Variants in CYP2C19 observed in about 807,000 individuals in gnomAD.
CYP2C19 encodes cytochrome P450 family 2 subfamily C member 19.
A neutral mutation model predicts 40.9 loss-of-function variants in CYP2C19; 59 were observed. The ratio of observed to expected loss-of-function variants is 1.44; its 90% CI spans 1.17 to 1.79. The LOEUF (loss-of-function observed/expected upper bound fraction) is 1.79. Ranked by LOEUF, CYP2C19 falls within the 40% of genes most tolerant of loss-of-function variation. The probability of loss-of-function intolerance (pLI) is 0.00; values close to 1 mark genes in which losing one functional copy is unlikely to be tolerated. For missense variants in CYP2C19, 754 were observed against 596.9 expected (o/e 1.26, Z -2.74); for synonymous variants, 253 against 208.7 (o/e 1.21, Z -1.83).
intron 5 of CYP2C19, among the ~76,000 whole-genome samples, chr10:94,797,012 G>C (rs1219415366): frequency 6.6e-6 from 1 of 152,068 alleles, no homozygotes; most frequent in Admixed American, 6.5e-5. Context: ...GCCCCGGCGA[G>C]AACTTCCAAC....
intron 6 of CYP2C19, among the ~76,000 whole-genome samples, chr10:94,823,151 C>G (rs1329732250): frequency 1.3e-5 from 2 of 152,024 alleles, no homozygotes; most frequent in African/African-American, 2.4e-5. Flanking sequence ...AATCAGTGTC[C>G]CTTAAGTCCC....
intron 6 of CYP2C19, among the ~76,000 whole-genome samples, chr10:94,825,991 G>A (rs1476737680): frequency 6.7e-6 from 1 of 149,772 alleles, no homozygotes; most frequent in Non-Finnish European, 1.5e-5. Flanking sequence ...TATTTCTGAG[G>A]GCTCTGTTCT....
intron 3 of CYP2C19, among the ~76,000 whole-genome samples, chr10:94,779,498 T>TA (rs1378426400): frequency 4.0e-5 from 6 of 151,872 alleles, no homozygotes; most frequent in African/African-American, 1.4e-4. Flanking sequence ...AATTCATTTT[T>TA]AAAAAACTAA....
intron 6 of CYP2C19, among the ~76,000 whole-genome samples, chr10:94,842,495 GTTA>G (rs2134286388): frequency 6.7e-6 from 1 of 148,346 alleles, no homozygotes; most frequent in East Asian, 2.0e-4. Context: ...TACATTCAGT[GTTA>G]TTATTAAGTA....
rs138318879 is a variant in CYP2C19, at chr10:94,770,377, G to A, written c.169-4681G>A. ...TCCTTGTAAACCACACTGATAACAA[G>A]CCCTACTGGGTGATTGGCCTGCTAT... On this transcript the variant is annotated intron_variant, in intron 1 of 8. Transcript: ENST00000371321. Among the ~76,000 whole-genome samples, 389 of 152,230 alleles carry A rather than the reference G, an allele frequency of 2.6e-3. 12 individuals carry two copies. The East Asian group carries it at 0.061, about 24-fold the overall frequency.
intron 5 of CYP2C19, among the ~76,000 whole-genome samples, chr10:94,800,147 C>G (rs1423102981): frequency 6.6e-6 from 1 of 152,124 alleles, no homozygotes; most frequent in Non-Finnish European, 1.5e-5. Context: ...GTTTTATCTA[C>G]CTTTCGTCTT....
At chr10:94,850,334 A>G (rs1434108896) in intron 8 of CYP2C19, among the ~76,000 whole-genome samples, 1 of 152,194 alleles carries the variant, frequency 6.6e-6, no homozygotes, top group African/African-American at 2.4e-5. Context: ...GAGGTACTCA[A>G]GAACTCCTCC....
chr10:94,808,635 G>C (rs749907451), intron 5 of CYP2C19, among the ~76,000 whole-genome samples: 3 of 151,922 alleles, frequency 2.0e-5, no homozygotes, highest in Non-Finnish European at 2.9e-5. Context: ...TATCTCCATG[G>C]GCTCAATTGT....
At chr10:94,834,624 C>A (rs567384753) in intron 6 of CYP2C19, among the ~76,000 whole-genome samples, 23 of 151,238 alleles carry the variant, frequency 1.5e-4, no homozygotes, top group Non-Finnish European at 2.5e-4. Flanking sequence ...AGGGAGGGGA[C>A]CCAAAGGGGG....
intron 1 of CYP2C19, chr10:94,773,898 C>G (rs571711566): frequency 6.6e-6 from 1 of 152,274 alleles, no homozygotes; most frequent in African/African-American, 2.4e-5. Flanking sequence ...CTTATTTGCC[C>G]CACCCATGTC....
chr10:94,850,050 T>C lies in CYP2C19; in HGVS notation c.1283T>C (p.Phe428Ser). The change falls in exon 8 of 9, where the codon TTC becomes TCC. Residue 428 changes from phenylalanine (F) to serine (S), a missense_variant. Physicochemically the swap from Phe to Ser is radical, Grantham distance 155. Transcript: ENST00000371321. ...AAGAAAAGTAACTACTTCATGCCTTTCTCAGCAGGTAATATAAATTTATTT... is the reference window on the plus strand; with the variant it reads ...AAGAAAAGTAACTACTTCATGCCTTCCTCAGCAGGTAATATAAATTTATTT... The part of the protein sequence containing the change: ...NFKKSNYFMP[F>S]SAGKRICVGE... 1.2e-6 allele frequency: 2 copies of C among 1,613,454 alleles called. No individual in the cohort carries two copies. The highest frequency in any genetic ancestry group is 1.7e-6 in the Non-Finnish European group (2 of 1,179,544).
chr10:94,823,235 G>A (rs1044546414), intron 6 of CYP2C19, among the ~76,000 whole-genome samples: 1 of 152,110 alleles, frequency 6.6e-6, no homozygotes, highest in Non-Finnish European at 1.5e-5. Context: ...GGCTCTCTCT[G>A]CCTAGGTTTC....
rs184099638 is a variant in CYP2C19 at position 94,846,388 on chromosome 10, A to T, written c.1149+3364A>T. Among the ~76,000 whole-genome samples, 3 of 152,362 alleles carry T rather than the reference A, an allele frequency of 2.0e-5. No homozygotes were observed. The East Asian group carries it at 5.8e-4, about 29-fold the overall frequency. On this transcript the variant is annotated intron_variant, in intron 7 of 8. Transcript: ENST00000371321. ...AATCACAGTGGTGAGGCAGAGGCAC[A>T]TAATGTTACATATGCTATTACTGGT...
chr10:94,811,377 TC>T (rs1848920388), intron 5 of CYP2C19, among the ~76,000 whole-genome samples: 2 of 152,140 alleles, frequency 1.3e-5, no homozygotes, highest in Admixed American at 1.3e-4. Flanking sequence ...GGTGGAGAGT[TC>T]TTTAGATATC....
intron 6 of CYP2C19, among the ~76,000 whole-genome samples, chr10:94,841,014 A>T (rs763135240): frequency 6.6e-5 from 10 of 152,166 alleles, no homozygotes; most frequent in Non-Finnish European, 1.2e-4. Context: ...AATGTTACCA[A>T]GGGGGTCCTT....
At chr10:94,779,517 C>A (rs1848454184) in intron 3 of CYP2C19, among the ~76,000 whole-genome samples, 1 of 151,162 alleles carries the variant, frequency 6.6e-6, no homozygotes, top group Non-Finnish European at 1.5e-5. Flanking sequence ...AAAGAAGAAA[C>A]TAAAAACTCC....
intron 5 of CYP2C19, among the ~76,000 whole-genome samples, chr10:94,817,676 A>T (rs1207714169): frequency 1.3e-5 from 2 of 150,732 alleles, no homozygotes; most frequent in East Asian, 2.0e-4. Context: ...CTGAATGGTA[A>T]TGCCTAGGTT....
chr10:94,801,811 T>C (rs577368716), intron 5 of CYP2C19, among the ~76,000 whole-genome samples: 1 of 152,290 alleles, frequency 6.6e-6, no homozygotes, highest in East Asian at 1.9e-4. Context: ...AGTTAGCTCT[T>C]CTTGTTACAT....
chr10:94,780,718 C>T, intron 4 of CYP2C19, 59 bp downstream of exon 4: 2 of 1,585,284 alleles, frequency 1.3e-6, no homozygotes, highest in Non-Finnish European at 1.7e-6. Context: ...TCTGGGAAAT[C>T]CAAAATTCTA....
Sources: gnomAD v4.1 joint callset for allele counts (sites outside exome capture counted in the v4.1 genomes callset) on GRCh38, gnomAD v4.1.1 for gene constraint, MANE v1.5 for transcripts, NCBI Gene and HGNC (gene_info 2026-07-23, HGNC 2026-07-21) for gene names.